Variants in SHISA5 observed in about 807,000 individuals in gnomAD.
SHISA5 encodes shisa family member 5, also known as protein shisa-5.
A neutral mutation model predicts 27.5 loss-of-function variants in SHISA5; 21 were observed. The ratio of observed to expected loss-of-function variants is 0.76; its 90% confidence interval spans 0.54 to 1.10. The LOEUF (loss-of-function observed/expected upper bound fraction) is 1.10. SHISA5 is among the 50% of genes least tolerant of loss of function. SHISA5 has a pLI of 0.00. For missense variants in SHISA5, 314 were observed against 336.3 expected (o/e 0.93, Z 0.52); for synonymous variants, 137 against 142.2 (o/e 0.96, Z 0.26).
chr3:48,494,121 G>C (rs1421578343), intron 2 of SHISA5, among the ~76,000 whole-genome samples: 3 of 146,486 alleles, frequency 2.0e-5, no homozygotes, highest in Non-Finnish European at 4.4e-5. Flanking sequence ...CCCTAATCCT[G>C]CCACCTCCTA....
intron 3 of SHISA5, among the ~76,000 whole-genome samples, chr3:48,472,814 G>A (rs9813424): frequency 0.019 from 2,878 of 152,264 alleles, 95 homozygotes; most frequent in African/African-American, 0.063. Flanking sequence ...TCAGCCCCAG[G>A]CCGTCCAGGA....
At chr3:48,471,166 C>G (rs920895703) in intron 3 of SHISA5, among the ~76,000 whole-genome samples, 1 of 152,010 alleles carries the variant, frequency 6.6e-6, no homozygotes, top group Non-Finnish European at 1.5e-5. Flanking sequence ...TAGCTGGAAC[C>G]ACAGGCATGC....
chr3:48,469,609 C>G lies in SHISA5; in HGVS notation c.431-36G>C, dbSNP rs376730392. 1.3e-6 allele frequency: 2 copies of G among 1,592,766 alleles called. No individual in the cohort carries two copies. The highest frequency in any genetic ancestry group is 1.7e-6 in the Non-Finnish European group (2 of 1,167,668). ...AATTCCAGTCAGGACCCTCCTCCATCTCCCCAGGTCTTGAGAGCCAGGCTT... is the reference window on the plus strand; with the variant it reads ...AATTCCAGTCAGGACCCTCCTCCATGTCCCCAGGTCTTGAGAGCCAGGCTT... On this transcript the variant is annotated intron_variant, in intron 4 of 5. Transcript: ENST00000296444. This position sits in a 1 kb window ranked among gnomAD's most constrained non-coding sequence, Gnocchi z 4.6.
At chr3:48,474,943 C>T (rs192141104) in intron 3 of SHISA5, among the ~76,000 whole-genome samples, 8 of 152,232 alleles carry the variant, frequency 5.3e-5, no homozygotes, top group African/African-American at 1.9e-4. Context: ...AGCACATGCC[C>T]GCACGGAATT....
chr3:48,499,553 G>A (rs867089914), intron 2 of SHISA5, among the ~76,000 whole-genome samples: 11 of 150,608 alleles, frequency 7.3e-5, no homozygotes, highest in Middle Eastern at 3.4e-3. Flanking sequence ...GGTGGCGGGC[G>A]CCTGTAGTTC....
chr3:48,479,247 TG>T lies in SHISA5; in HGVS notation c.243del (p.Ser82ValfsTer2). Reference sequence around the variant, plus strand: ...CCCAGCTGCTCCACCGGCTCTACACTGGCAGGCACGCTGCAAACAGGAAACC... The same window carrying T: ...CCCAGCTGCTCCACCGGCTCTACACTGCAGGCACGCTGCAAACAGGAAACC... ...RCAVPEASVP[A>X]SVEPVEQLGS... On this transcript the variant is annotated frameshift_variant, in exon 3 of 6. Coordinates refer to ENST00000296444, the MANE Select transcript of SHISA5 (RefSeq NM_016479.6). LOFTEE classifies it high-confidence loss of function. 6.2e-7 allele frequency: 1 copy of T among 1,607,970 alleles called. No individual in the cohort carries two copies. The highest frequency in any genetic ancestry group is 8.5e-7 in the Non-Finnish European group (1 of 1,178,770).
At position 48,473,374 on chromosome 3, in the gene SHISA5, G is replaced by A. The variant is rs2040712640; in HGVS notation, c.315-3531C>T. On this transcript the variant is annotated intron_variant, in intron 3 of 5. Coordinates refer to ENST00000296444, the MANE Select transcript of SHISA5 (RefSeq NM_016479.6). The surrounding 1 kb of genome is among the most constrained non-coding windows in gnomAD (Gnocchi z 4.3). The stretch of plus-strand genomic sequence containing the variant: ...GGGTCTAAGAGCCACCCCAGCCTCA[G>A]TGGGCCCCAACCACACTCTAGCTCA... 7.5e-7 allele frequency: 1 copy of A among 1,340,246 alleles called. No individual in the cohort carries two copies. 83.0% of individuals were successfully genotyped at this position (1,340,246 alleles called of 1,614,324 possible). A position where few individuals can be genotyped will look rare whatever the true frequency, so the allele number is the denominator to read the frequency against.
At chr3:48,492,569 T>C (rs1407326461) in intron 2 of SHISA5, among the ~76,000 whole-genome samples, 3 of 148,044 alleles carry the variant, frequency 2.0e-5, no homozygotes, top group Non-Finnish European at 4.4e-5. Context: ...AGAAATTCGA[T>C]TTCTCTCTGC....
chr3:48,494,091 G>C (rs1381589673), intron 2 of SHISA5, among the ~76,000 whole-genome samples: 1 of 146,672 alleles, frequency 6.8e-6, no homozygotes, highest in Non-Finnish European at 1.5e-5. Flanking sequence ...GTGAAATTTT[G>C]TGTCCTTTGA....
intron 1 of SHISA5, chr3:48,503,307 G>A: frequency 5.4e-6 from 3 of 553,750 alleles, no homozygotes; most frequent in Non-Finnish European, 9.4e-6. Flanking sequence ...TCCAGGAGTG[G>A]GCGGATTCTG....
intron 3 of SHISA5, among the ~76,000 whole-genome samples, chr3:48,477,526 C>T (rs2040866339): frequency 6.6e-6 from 1 of 152,188 alleles, no homozygotes; most frequent in Non-Finnish European, 1.5e-5. Context: ...GCCTCAGCCT[C>T]CCAAGTAGCT....
chr3:48,481,833 C>T (rs1171848445), intron 2 of SHISA5, among the ~76,000 whole-genome samples: 2 of 150,786 alleles, frequency 1.3e-5, no homozygotes, highest in Non-Finnish European at 2.9e-5. Flanking sequence ...TTTGGGAGGC[C>T]GAGGCGGGTG....
intron 1 of SHISA5, among the ~76,000 whole-genome samples, chr3:48,503,559 A>G (rs1486310229): frequency 6.6e-6 from 1 of 152,156 alleles, no homozygotes; most frequent in Non-Finnish European, 1.5e-5. Context: ...TCCACCCCAG[A>G]GGCCAGCCTC....
chr3:48,483,054 A>T (rs2041074138), intron 2 of SHISA5, among the ~76,000 whole-genome samples: 1 of 151,464 alleles, frequency 6.6e-6, no homozygotes, highest in South Asian at 2.1e-4. Flanking sequence ...CCTCCCAAGT[A>T]GCTGGGACTA....
chr3:48,481,322 C>T (rs1484669574), intron 2 of SHISA5, among the ~76,000 whole-genome samples: 1 of 151,796 alleles, frequency 6.6e-6, no homozygotes, highest in Non-Finnish European at 1.5e-5. Flanking sequence ...CGCCTGTAAT[C>T]CCAGCTACTC....
intron 2 of SHISA5, among the ~76,000 whole-genome samples, chr3:48,487,110 GCACACACACACACGCA>G (rs1370260109): frequency 6.7e-6 from 1 of 148,660 alleles, no homozygotes; most frequent in Non-Finnish European, 1.5e-5. Context: ...GTCCATAGGC[GCACACACACACACGCA>G]CACGCACACA....
intron 3 of SHISA5, chr3:48,472,953 A>C: frequency 4.1e-6 from 6 of 1,464,952 alleles, no homozygotes; most frequent in Non-Finnish European, 5.5e-6. Flanking sequence ...TCATCCCTCC[A>C]GAGATCTCTC....
chr3:48,492,843 T>C (rs978626329), intron 2 of SHISA5, among the ~76,000 whole-genome samples: 1 of 146,538 alleles, frequency 6.8e-6, no homozygotes, highest in Non-Finnish European at 1.5e-5. Flanking sequence ...CAAGATGGAG[T>C]TGTTTTCAGC....
chr3:48,487,082 T>C (rs75657037), intron 2 of SHISA5, among the ~76,000 whole-genome samples: 1,975 of 151,464 alleles, frequency 0.013, 31 homozygotes, highest in African/African-American at 0.045. Flanking sequence ...CCCATCAGTA[T>C]TAAAAAAATA....
Sources: gnomAD v4.1 joint callset for allele counts (sites outside exome capture counted in the v4.1 genomes callset) on GRCh38, gnomAD v4.1.1 for gene constraint, Gnocchi (gnomAD v3.1) non-coding constraint, MANE v1.5 for transcripts, NCBI Gene and HGNC (gene_info 2026-07-23, HGNC 2026-07-21) for gene names.